The following KLRG1 variants were observed in gnomAD, a reference collection of about 807,000 sequenced individuals.
KLRG1 encodes killer cell lectin-like receptor subfamily G member 1.
In KLRG1, 16 loss-of-function variants were observed where a neutral mutation model predicts 21.8. The observed-to-expected ratio is 0.73, with a 90% CI of 0.50 to 1.11. KLRG1 has a LOEUF of 1.11. KLRG1 is among the 50% of genes most tolerant of loss of function. KLRG1 has a pLI of 0.00. For missense variants in KLRG1, 173 were observed against 218.3 expected (o/e 0.79, Z 1.31); for synonymous variants, 69 against 75.9 (o/e 0.91, Z 0.47).
the KLRG1 span, among the ~76,000 whole-genome samples, chr12:9,184,889 A>T: frequency 4.6e-5 from 7 of 152,058 alleles, no homozygotes; most frequent in African/African-American, 1.5e-4. Context: ...CCACAATCAA[A>T]CCTCCAAGGT....
the KLRG1 span, among the ~76,000 whole-genome samples, chr12:9,061,100 A>G: frequency 6.6e-6 from 1 of 152,116 alleles, no homozygotes; most frequent in Admixed American, 6.5e-5. Context: ...TTGTATTCCA[A>G]GTAAAGCTTT....
intron 1 of KLRG1, among the ~76,000 whole-genome samples, chr12:8,990,702 G>C (rs1349890545): frequency 6.6e-6 from 1 of 152,052 alleles, no homozygotes; most frequent in Non-Finnish European, 1.5e-5. Flanking sequence ...CACACAACTG[G>C]TGATAAATTG....
the KLRG1 span, among the ~76,000 whole-genome samples, chr12:9,083,201 G>C: frequency 2.0e-5 from 3 of 152,062 alleles, no homozygotes; most frequent in Non-Finnish European, 4.4e-5. Flanking sequence ...GAGAACACTT[G>C]GACACAGGAA....
intron 1 of KLRG1, among the ~76,000 whole-genome samples, chr12:8,955,909 C>T (rs762032352): frequency 8.5e-5 from 13 of 152,076 alleles, no homozygotes; most frequent in African/African-American, 2.9e-4. Flanking sequence ...TGAGAACTCC[C>T]GCAATGCCTT....
the KLRG1 span, chr12:9,165,075 A>G: frequency 6.5e-7 from 1 of 1,527,118 alleles, no homozygotes; most frequent in South Asian, 1.1e-5. Flanking sequence ...CAGAATCAGT[A>G]GCTGACTGAT....
the KLRG1 span, among the ~76,000 whole-genome samples, chr12:9,161,607 A>G: frequency 6.6e-6 from 1 of 152,290 alleles, no homozygotes; most frequent in South Asian, 2.1e-4. Flanking sequence ...TAAGACTTAT[A>G]ACCATGATAA....
intron 3 of KLRG1, among the ~76,000 whole-genome samples, chr12:9,005,532 A>G (rs190349832): frequency 1.3e-5 from 2 of 152,112 alleles, no homozygotes; most frequent in East Asian, 3.9e-4. Context: ...TGTGAAAACT[A>G]AAAAAAATGT....
chr12:9,016,393 T>C, the KLRG1 span, among the ~76,000 whole-genome samples: 1 of 152,028 alleles, frequency 6.6e-6, no homozygotes, highest in African/African-American at 2.4e-5. Flanking sequence ...TGCCAATAAA[T>C]TGAAAAACCT....
At chr12:9,196,260 T>A in the KLRG1 span, 1 of 1,023,216 alleles carries the variant, frequency 9.8e-7, no homozygotes, top group Non-Finnish European at 1.5e-6. Context: ...AAGTGTGGGC[T>A]GCATCATTGT....
At chr12:9,192,632 G>T in the KLRG1 span, 1 of 1,613,968 alleles carries the variant, frequency 6.2e-7, no homozygotes, top group Non-Finnish European at 8.5e-7. Context: ...CCAGGTGAAT[G>T]TAACTTCCAC....
chr12:9,041,253 C>T, the KLRG1 span, among the ~76,000 whole-genome samples: 5 of 152,058 alleles, frequency 3.3e-5, no homozygotes, highest in Non-Finnish European at 7.4e-5. Flanking sequence ...GAGAATCACT[C>T]GAACCTGGGA....
chr12:9,018,661 C>T, the KLRG1 span, among the ~76,000 whole-genome samples: 98 of 141,756 alleles, frequency 6.9e-4, no homozygotes, highest in African/African-American at 2.4e-3. Context: ...GGCAACATAG[C>T]GAGACCTCAT....
At chr12:9,182,401 G>A in the KLRG1 span, among the ~76,000 whole-genome samples, 17 of 131,926 alleles carry the variant, frequency 1.3e-4, no homozygotes, top group African/African-American at 4.9e-4. Context: ...TTAAATATCA[G>A]TAGCTCCAAA....
Position 9,010,151 on chromosome 12 carries a change from A to T in KLRG1, c.*614A>T. The T allele has an allele frequency of 1.6e-6, 1 of 634,626 alleles. No individual in the cohort carries two copies. Among genetic ancestry groups the T allele is most frequent in the South Asian group, 2.0e-5 (1 of 48,972 alleles). 39.3% of individuals were successfully genotyped at this position (634,626 alleles called of 1,614,324 possible). Reference sequence around the variant, plus strand: ...CAGTGAGCTATGATTGTGCCACTGTACTCCAGCCTGGGAGATAGAGCAAGA... The same window carrying T: ...CAGTGAGCTATGATTGTGCCACTGTTCTCCAGCCTGGGAGATAGAGCAAGA... On this transcript the variant is annotated 3_prime_UTR_variant, in exon 5 of 5. Transcript: ENST00000356986.
the KLRG1 span, chr12:9,169,482 G>T: frequency 1.9e-6 from 3 of 1,612,172 alleles, no homozygotes; most frequent in South Asian, 1.1e-5. Flanking sequence ...AACATAGATG[G>T]CTCCATTATG....
chr12:9,072,882 C>T, the KLRG1 span: 19 of 1,609,232 alleles, frequency 1.2e-5, no homozygotes, highest in Non-Finnish European at 1.5e-5. Flanking sequence ...CTGTTAGAGA[C>T]AGATGAGTGA....
chr12:9,115,671 A>G, the KLRG1 span: 20 of 924,158 alleles, frequency 2.2e-5, no homozygotes, highest in Non-Finnish European at 3.1e-5. Flanking sequence ...AGATGACAGT[A>G]TCATAGGAAA....
chr12:9,068,090 A>T, the KLRG1 span: 2 of 1,409,432 alleles, frequency 1.4e-6, no homozygotes, highest in Non-Finnish European at 2.0e-6. Flanking sequence ...GATGTTTTTG[A>T]CAAATATTTA....
At chr12:9,018,679 T>TAAAAAAAAAAAA in the KLRG1 span, among the ~76,000 whole-genome samples, 1 of 123,360 alleles carries the variant, frequency 8.1e-6, no homozygotes, top group Admixed American at 8.7e-5. Flanking sequence ...CATCTCTATT[T>TAAAAAAAAAAAA]AAAAAAAAAA....
Sources: gnomAD v4.1 joint callset for allele counts (sites outside exome capture counted in the v4.1 genomes callset) on GRCh38, gnomAD v4.1.1 for gene constraint, MANE v1.5 for transcripts, NCBI Gene and HGNC (gene_info 2026-07-23, HGNC 2026-07-21) for gene names.